Variants in DZIP1L observed in about 807,000 individuals in gnomAD.
DZIP1L encodes the protein DAZ interacting zinc finger protein 1 like.
In DZIP1L, 90 loss-of-function variants were observed where a neutral mutation model predicts 88.7. The ratio of observed to expected loss-of-function variants is 1.02; its 90% confidence interval spans 0.86 to 1.21. The LOEUF (loss-of-function observed/expected upper bound fraction) is 1.21, where lower values mean the gene tolerates loss of function less well. DZIP1L is among the 50% of genes most tolerant of loss of function. DZIP1L has a pLI of 0.00. For synonymous variants in DZIP1L, 363 were observed against 372.1 expected (o/e 0.98, Z 0.28); for missense variants, 932 against 955.8 (o/e 0.98, Z 0.33).
At chr3:138,074,463 C>T (rs1159168942) in intron 11 of DZIP1L, among the ~76,000 whole-genome samples, 1 of 152,160 alleles carries the variant, frequency 6.6e-6, no homozygotes, top group Non-Finnish European at 1.5e-5. Context: ...TGAAACTAAG[C>T]TTCATAAATG....
At chr3:138,078,385 C>A (rs558169232) in intron 10 of DZIP1L, among the ~76,000 whole-genome samples, 1 of 152,174 alleles carries the variant, frequency 6.6e-6, no homozygotes, top group South Asian at 2.1e-4. Context: ...GCCCATCTCT[C>A]GTCCCCCAAG....
intron 1 of DZIP1L, among the ~76,000 whole-genome samples, chr3:138,105,837 T>C (rs77606987): frequency 0.029 from 4,419 of 152,242 alleles, 227 homozygotes; most frequent in African/African-American, 0.1. Flanking sequence ...GATTCACTTA[T>C]GTATATTATT....
intron 11 of DZIP1L, among the ~76,000 whole-genome samples, chr3:138,073,679 T>G (rs576248016): frequency 6.6e-6 from 1 of 152,002 alleles, no homozygotes; most frequent in African/African-American, 2.4e-5. Context: ...ACAAAAATCA[T>G]ACCAGCTCAC....
At chr3:138,094,541 C>T (rs1163001794) in intron 4 of DZIP1L, among the ~76,000 whole-genome samples, 17 of 152,226 alleles carry the variant, frequency 1.1e-4, no homozygotes, top group Non-Finnish European at 2.9e-5. Flanking sequence ...CAAACCCAGT[C>T]TTTGTCCACA....
Position 138,097,830 on chromosome 3 carries a change from C to G in DZIP1L, c.519G>C (p.Lys173Asn). The G allele has an allele frequency of 6.2e-7, 1 of 1,612,778 alleles. No homozygotes were observed. The highest frequency in any genetic ancestry group is 8.5e-7 in the Non-Finnish European group (1 of 1,179,468). ...HSYHTCHLCD[K>N]TFMNATFLRG... Reference sequence around the variant, plus strand: ...GGAGAAAGGTGGCATTCATGAATGTCTTGTCACACAGGTGGCACTATACAG... The same window carrying G: ...GGAGAAAGGTGGCATTCATGAATGTGTTGTCACACAGGTGGCACTATACAG... Residue 173 changes from lysine to asparagine, a missense_variant, in exon 3 of 16, where the codon AAG (lysine) becomes AAC (asparagine). Lys to Asn is a moderately conservative substitution (Grantham distance 94, BLOSUM62 0). Transcript: ENST00000327532.
chr3:138,097,893 A>T (rs948764053), intron 2 of DZIP1L, 46 bp from the exon 3 acceptor site: 57 of 1,544,960 alleles, frequency 3.7e-5, no homozygotes, highest in Non-Finnish European at 5.1e-5. Context: ...AGGTCACCTG[A>T]GTCAGCCTGG....
At chr3:138,075,907 C>T (rs758535598) in intron 11 of DZIP1L, among the ~76,000 whole-genome samples, 1 of 151,858 alleles carries the variant, frequency 6.6e-6, no homozygotes, top group Non-Finnish European at 1.5e-5. Flanking sequence ...TGCAGTGAGC[C>T]GAGATCGCAC....
chr3:138,089,120 C>A, intron 5 of DZIP1L: 1 of 985,436 alleles, frequency 1.0e-6, no homozygotes, highest in Non-Finnish European at 1.2e-6. Context: ...ATATTTCTAT[C>A]TGTATGACTG....
chr3:138,079,707 A>G (rs1943561086), intron 10 of DZIP1L, among the ~76,000 whole-genome samples: 1 of 152,194 alleles, frequency 6.6e-6, no homozygotes, highest in Non-Finnish European at 1.5e-5. Context: ...ATACCCTTTT[A>G]TACCATTCCT....
intron 1 of DZIP1L, among the ~76,000 whole-genome samples, chr3:138,110,622 T>C (rs2042602663): frequency 6.6e-6 from 1 of 152,088 alleles, no homozygotes; most frequent in Non-Finnish European, 1.5e-5. Context: ...CTCCATCCCA[T>C]CAACAAATGA....
intron 1 of DZIP1L, among the ~76,000 whole-genome samples, chr3:138,111,827 T>G (rs1003498801): frequency 2.0e-5 from 3 of 151,992 alleles, no homozygotes; most frequent in African/African-American, 4.8e-5. Flanking sequence ...AAACCCCGTC[T>G]CTACTAAAAA....
At chr3:138,112,193 AC>A (rs1386188065) in intron 1 of DZIP1L, among the ~76,000 whole-genome samples, 1 of 152,180 alleles carries the variant, frequency 6.6e-6, no homozygotes, top group Non-Finnish European at 1.5e-5. Flanking sequence ...AGATGTAGAA[AC>A]TGAGGCTCAG....
At chr3:138,068,643 C>T (rs1214432973) in intron 12 of DZIP1L, among the ~76,000 whole-genome samples, 5 of 152,112 alleles carry the variant, frequency 3.3e-5, no homozygotes, top group Non-Finnish European at 5.9e-5. Flanking sequence ...CAGGAGTCCG[C>T]GGGCCTGAAG....
Position 138,064,777 on chromosome 3 carries a change from G to T in DZIP1L, c.2003-10C>A, listed in dbSNP as rs199666233. 1.9e-4 allele frequency: 291 copies of T among 1,553,642 alleles called. 1 individual carries two copies. In the African/African-American group the frequency reaches 3.6e-3, roughly 19 times the overall value. On this transcript the variant is annotated splice_polypyrimidine_tract_variant and intron_variant, in intron 14 of 15. Coordinates refer to ENST00000327532, the MANE Select transcript of DZIP1L (RefSeq NM_173543.3). ...GACTGCACCAGTGTTCCTGGAAGGTGAAAAAGTGGCTGTGTCAGTGGGAGA... is the reference window on the plus strand; with the variant it reads ...GACTGCACCAGTGTTCCTGGAAGGTTAAAAAGTGGCTGTGTCAGTGGGAGA...
chr3:138,082,263 C>T (rs1014624629), intron 8 of DZIP1L, among the ~76,000 whole-genome samples: 2 of 152,110 alleles, frequency 1.3e-5, no homozygotes. Flanking sequence ...GTTCCTTCCC[C>T]CTTCATGGCT....
chr3:138,082,171 G>A (rs961072706), intron 8 of DZIP1L, among the ~76,000 whole-genome samples: 1 of 152,202 alleles, frequency 6.6e-6, no homozygotes, highest in Non-Finnish European at 1.5e-5. Flanking sequence ...GGAGGAAGGA[G>A]TCAGACACAT....
chr3:138,086,991 C>A lies in DZIP1L; in HGVS notation c.1032G>T (p.Leu344=). 3.1e-6 allele frequency: 5 copies of A among 1,614,098 alleles called. No homozygotes were observed. The highest frequency in any genetic ancestry group is 4.2e-6 in the Non-Finnish European group (5 of 1,180,004). ...KTEWKRKVKE[L]HEEHMAEKKE... ...TCTTCTCAGCCATGTGCTCTTCATG[C>A]AGTTCCTTCACTTTTCTTTTCCACT... Residue 344 remains leucine, a synonymous_variant, in exon 7 of 16, where the codon CTG becomes CTT. Coordinates refer to ENST00000327532, the MANE Select transcript of DZIP1L (RefSeq NM_173543.3).
rs561108246 is a variant in DZIP1L, at chr3:138,088,404, G to A, written c.974C>T (p.Ala325Val). ...EWLRQARELQALREKTEIQKT... is the reference protein window; with the variant it reads ...EWLRQARELQVLREKTEIQKT... Reference sequence around the variant, plus strand: ...CTGAATTTCTGTCTTCTCTCTCAGGGCCTGAAGCTCCCGTGCCTGCCGAAG... The same window carrying A: ...CTGAATTTCTGTCTTCTCTCTCAGGACCTGAAGCTCCCGTGCCTGCCGAAG... The change falls in exon 6 of 16, where the codon GCC becomes GTC. Residue 325 changes from alanine (A) to valine (V), a missense_variant. Transcript: ENST00000327532. 1 of 1,613,152 alleles carries A rather than the reference G, an allele frequency of 6.2e-7. No homozygotes were observed. The highest frequency in any genetic ancestry group is 1.1e-5 in the South Asian group (1 of 90,942).
At chr3:138,113,881 G>T (rs1451196934) in intron 1 of DZIP1L, among the ~76,000 whole-genome samples, 1 of 152,150 alleles carries the variant, frequency 6.6e-6, no homozygotes, top group Non-Finnish European at 1.5e-5. Flanking sequence ...TTTATCAAAA[G>T]CCTATTAAGT....
Sources: gnomAD v4.1 joint callset for allele counts (sites outside exome capture counted in the v4.1 genomes callset) on GRCh38, gnomAD v4.1.1 for gene constraint, MANE v1.5 for transcripts, NCBI Gene and HGNC (gene_info 2026-07-23, HGNC 2026-07-21) for gene names.